Variants in KLRG1 observed in about 807,000 individuals in gnomAD.
The protein encoded by KLRG1 is killer cell lectin-like receptor subfamily G member 1.
Under a neutral mutation model 21.8 loss-of-function variants are expected in KLRG1, and 16 were observed. The ratio of observed to expected loss-of-function variants is 0.73; its 90% CI spans 0.50 to 1.11. The LOEUF is 1.11. KLRG1 is among the 50% of genes most tolerant of loss of function. KLRG1 has a pLI of 0.00. For missense variants in KLRG1, 173 were observed against 218.3 expected (o/e 0.79, Z 1.31); for synonymous variants, 69 against 75.9 (o/e 0.91, Z 0.47).
At position 8,995,256 on chromosome 12, in the gene KLRG1, C is replaced by T; in HGVS notation, c.325C>T (p.His109Tyr). The change falls in exon 3 of 5, where the codon CAC (histidine) becomes TAC (tyrosine). Residue 109 changes from histidine to tyrosine, a missense_variant. His to Tyr is a moderately conservative substitution (Grantham distance 83). Around this residue, in one of 3 missense-constraint regions of KLRG1, gnomAD observed 144 missense variants for 161.5 expected, o/e 0.89. Coordinates refer to ENST00000356986, the MANE Select transcript of KLRG1 (RefSeq NM_005810.4). ...GGAATTCTGCCTAGCCAGAGACTCA[C>T]ACCTCCTTGTGATAACGGACAATCA... Reference protein sequence around the residue: ...SLEFCLARDSHLLVITDNQEM... With the variant: ...SLEFCLARDSYLLVITDNQEM... The T allele has an allele frequency of 1.9e-6, 3 of 1,613,022 alleles. No individual in the cohort carries two copies. Among genetic ancestry groups the T allele is most frequent in the Non-Finnish European group, 1.7e-6 (2 of 1,179,636 alleles).
the KLRG1 span, among the ~76,000 whole-genome samples, chr12:9,122,117 G>A: frequency 1.3e-5 from 2 of 152,090 alleles, no homozygotes; most frequent in African/African-American, 2.4e-5. Flanking sequence ...TTCTGCATAT[G>A]CATACTGAAA....
chr12:9,090,085 A>C, the KLRG1 span: 55 of 1,550,434 alleles, frequency 3.5e-5, no homozygotes, highest in East Asian at 1.2e-3. Context: ...CTCCAAACTC[A>C]AGATTTAGAA....
the KLRG1 span, chr12:9,157,273 T>C: frequency 6.2e-7 from 1 of 1,614,046 alleles, no homozygotes. Context: ...TGCCTTGGTG[T>C]AGACATGGCT....
chr12:9,010,126 C>T lies in KLRG1; in HGVS notation c.*589C>T. On this transcript the variant is annotated 3_prime_UTR_variant, in exon 5 of 5. Transcript: ENST00000356986. ...GCTTGAGCCCAGGAGTTTGAGGCTG[C>T]AGTGAGCTATGATTGTGCCACTGTA... The T allele has an allele frequency of 1.1e-6, 1 of 878,042 alleles. No homozygotes were observed. Among genetic ancestry groups the T allele is most frequent in the Non-Finnish European group, 1.8e-6 (1 of 559,598 alleles). The allele number at this position is 878,042 out of a possible 1,614,324, so 54.4% of individuals were successfully genotyped here. A position where few individuals can be genotyped will look rare whatever the true frequency, so the allele number is the denominator to read the frequency against.
At chr12:9,121,704 T>C in the KLRG1 span, among the ~76,000 whole-genome samples, 1 of 152,240 alleles carries the variant, frequency 6.6e-6, no homozygotes, top group Non-Finnish European at 1.5e-5. The surrounding 1 kb of genome is among the most constrained non-coding windows in gnomAD (Gnocchi z 4.4). Flanking sequence ...GTGTTTGGAC[T>C]AAAACAATTT....
chr12:9,128,318 C>A, the KLRG1 span: 2 of 160,770 alleles, frequency 1.2e-5, no homozygotes, highest in East Asian at 1.7e-4. Flanking sequence ...AGGATCTGAG[C>A]TGGGAGGTCG....
At chr12:8,978,795 A>C (rs1592252365) in intron 1 of KLRG1, among the ~76,000 whole-genome samples, 1 of 148,142 alleles carries the variant, frequency 6.8e-6, no homozygotes. Context: ...CCTCACTGCA[A>C]CCTCTGCCTC....
chr12:9,041,609 G>C, the KLRG1 span, among the ~76,000 whole-genome samples: 1 of 152,088 alleles, frequency 6.6e-6, no homozygotes, highest in African/African-American at 2.4e-5. Flanking sequence ...ACTGTCTCTT[G>C]GCACATTTGC....
At chr12:9,149,677 C>T in the KLRG1 span, 2 of 1,463,846 alleles carry the variant, frequency 1.4e-6, no homozygotes, top group Non-Finnish European at 1.9e-6. Flanking sequence ...TGTCTAGTCA[C>T]TTTACTACTG....
At chr12:9,139,638 G>A in the KLRG1 span, among the ~76,000 whole-genome samples, 1 of 152,038 alleles carries the variant, frequency 6.6e-6, no homozygotes, top group African/African-American at 2.4e-5. Context: ...AATTGTAATT[G>A]TTATATATTC....
At chr12:9,158,408 G>A in the KLRG1 span, 5 of 1,613,818 alleles carry the variant, frequency 3.1e-6, no homozygotes, top group Admixed American at 8.3e-5. Context: ...AGAAGTTTGT[G>A]GAACAGTTCA....
the KLRG1 span, chr12:9,070,439 CAT>C: frequency 4.1e-6 from 5 of 1,220,298 alleles, no homozygotes; most frequent in African/African-American, 1.5e-5. Context: ...GCTGGGGATA[CAT>C]ACATCATTAA....
the KLRG1 span, among the ~76,000 whole-genome samples, chr12:9,204,721 T>C: frequency 6.6e-6 from 1 of 152,184 alleles, no homozygotes; most frequent in Non-Finnish European, 1.5e-5. Flanking sequence ...ATTAATAATT[T>C]AATATTAGTA....
chr12:9,007,553 G>A (rs753390955), intron 3 of KLRG1, among the ~76,000 whole-genome samples: 44 of 152,296 alleles, frequency 2.9e-4, no homozygotes, highest in African/African-American at 9.9e-4. Flanking sequence ...TCACAGGTGT[G>A]AGCCACTGTG....
the KLRG1 span, chr12:9,107,479 A>G: frequency 6.2e-7 from 1 of 1,603,432 alleles, no homozygotes; most frequent in Non-Finnish European, 8.5e-7. Context: ...GCTTTTCAAC[A>G]ATGCCTTTAT....
At chr12:9,192,855 C>A in the KLRG1 span, 1 of 636,730 alleles carries the variant, frequency 1.6e-6, no homozygotes, top group South Asian at 2.3e-5. Context: ...TATGCCTCTC[C>A]CTCATACTGG....
At chr12:9,046,429 A>T in the KLRG1 span, among the ~76,000 whole-genome samples, 3 of 152,250 alleles carry the variant, frequency 2.0e-5, no homozygotes, top group Admixed American at 2.0e-4. Flanking sequence ...CAGGATACAT[A>T]CCAAGACATC....
chr12:9,198,224 A>G, the KLRG1 span, among the ~76,000 whole-genome samples: 1 of 151,784 alleles, frequency 6.6e-6, no homozygotes, highest in East Asian at 1.9e-4. Flanking sequence ...GGTGACATGC[A>G]CCTGTAGTCC....
chr12:9,139,567 T>C, the KLRG1 span, among the ~76,000 whole-genome samples: 2 of 152,238 alleles, frequency 1.3e-5, no homozygotes, highest in Non-Finnish European at 2.9e-5. Flanking sequence ...CCTATTTCTC[T>C]TTTCTGTTTT....
Sources: allele counts gnomAD v4.1 joint callset (sites outside exome capture counted in the v4.1 genomes callset), GRCh38; gene constraint gnomAD v4.1.1; regional missense constraint gnomAD v4.1.1; non-coding constraint Gnocchi (gnomAD v3.1); transcripts MANE v1.5; gene names NCBI Gene and HGNC (gene_info 2026-07-23, HGNC 2026-07-21).